Variants in RRP15 observed in about 807,000 individuals in gnomAD.
RRP15 encodes ribosomal RNA processing 15 homolog, also known as RRP15-like protein.
RRP15 carries 18 observed loss-of-function variants against 27.1 expected under a neutral mutation model. The ratio of observed to expected loss-of-function variants is 0.66; its 90% CI spans 0.46 to 0.98. RRP15 has a LOEUF of 0.98. Ranked by LOEUF, RRP15 falls within the 50% of genes least tolerant of loss-of-function variation. RRP15 has a pLI of 0.00. For synonymous variants in RRP15, 107 were observed against 109.4 expected (o/e 0.98, Z 0.14); for missense variants, 359 against 337.8 (o/e 1.06, Z -0.49).
chr1:218,301,254 C>G (rs964036319), intron 1 of RRP15: 10 of 152,134 alleles, frequency 6.6e-5, no homozygotes, highest in African/African-American at 2.4e-4. Context: ...AGCTCTTCTT[C>G]TGCTAATTAA....
intron 4 of RRP15, among the ~76,000 whole-genome samples, chr1:218,320,676 A>G (rs1445448955): frequency 6.6e-6 from 1 of 152,098 alleles, no homozygotes; most frequent in Non-Finnish European, 1.5e-5. Context: ...TTATTATAAA[A>G]TCAAGTTGTT....
rs1048186252 is a variant in RRP15 at position 218,302,554 on chromosome 1, A to C, written c.400A>C (p.Lys134Gln). ...KLKQERLEKIKQRDKRLEWEM... is the reference protein window; with the variant it reads ...KLKQERLEKIQQRDKRLEWEM... Reference sequence around the variant, plus strand: ...AAAGCAAGAAAGACTAGAGAAAATAAAACAGGTATGTTCCACCAGTTCTCT... The same window carrying C: ...AAAGCAAGAAAGACTAGAGAAAATACAACAGGTATGTTCCACCAGTTCTCT... Residue 134 changes from lysine to glutamine, a missense_variant, in exon 2 of 5, where the codon AAA becomes CAA. Transcript: ENST00000366932. 9 of 1,611,724 alleles carry C rather than the reference A, an allele frequency of 5.6e-6. No individual in the cohort carries two copies. Among genetic ancestry groups the C allele is most frequent in the Middle Eastern group, 1.7e-4 (1 of 5,974 alleles).
At chr1:218,295,922 T>C (rs1282006887) in intron 1 of RRP15, among the ~76,000 whole-genome samples, 1 of 152,202 alleles carries the variant, frequency 6.6e-6, no homozygotes, top group Non-Finnish European at 1.5e-5. Flanking sequence ...CTTTTTTTTT[T>C]TGAAGTTTTA....
chr1:218,324,014 C>G, intron 4 of RRP15, among the ~76,000 whole-genome samples: 1 of 152,164 alleles, frequency 6.6e-6, no homozygotes, highest in East Asian at 1.9e-4. Flanking sequence ...GCAGCTATTC[C>G]TGCGAGGGCG....
rs1404868640 is a variant in RRP15 at position 218,337,781 on chromosome 1, A to T, written c.*6690A>T. On this transcript the variant is annotated 3_prime_UTR_variant, in exon 5 of 5. Transcript: ENST00000366932. ...TTCTGTTCTAGAATCCAAACTCTAC[A>T]TACTGTTTAATAGAGCATTATTGAT... 3 of 152,148 alleles carry T rather than the reference A, an allele frequency of 2.0e-5. No individual in the cohort carries two copies. The highest frequency in any genetic ancestry group is 6.5e-5 in the Admixed American group (1 of 15,268). 9.4% of individuals were successfully genotyped at this position (152,148 alleles called of 1,614,324 possible).
chr1:218,304,264 A>C (rs1655858971), intron 2 of RRP15, among the ~76,000 whole-genome samples: 1 of 152,220 alleles, frequency 6.6e-6, no homozygotes, highest in Non-Finnish European at 1.5e-5. Flanking sequence ...TTCATTGATT[A>C]ATGCATTATA....
intron 4 of RRP15, among the ~76,000 whole-genome samples, chr1:218,320,625 A>G (rs1226331136): frequency 2.0e-5 from 3 of 152,200 alleles, no homozygotes; most frequent in Non-Finnish European, 4.4e-5. Context: ...GAACAAGGAC[A>G]TATGTAGTGG....
chr1:218,329,640 A>G (rs1218506639), intron 4 of RRP15, among the ~76,000 whole-genome samples: 2 of 152,186 alleles, frequency 1.3e-5, no homozygotes, highest in Non-Finnish European at 2.9e-5. Flanking sequence ...TATGTTGGGT[A>G]AATTATAGTA....
intron 4 of RRP15, among the ~76,000 whole-genome samples, chr1:218,313,213 G>T (rs537376686): frequency 6.6e-6 from 1 of 152,326 alleles, no homozygotes; most frequent in Middle Eastern, 3.4e-3. Flanking sequence ...AAAAGAAAGG[G>T]CTGAAGGATG....
chr1:218,331,701 C>A lies in RRP15; in HGVS notation c.*610C>A. On this transcript the variant is annotated 3_prime_UTR_variant, in exon 5 of 5. Coordinates refer to ENST00000366932, the MANE Select transcript of RRP15 (RefSeq NM_016052.4). ...TTTTTTTTTTTTTTTGAGACGGAGT[C>A]TTGCTCTGTGGCCCCGGATGGAATG... is the stretch of plus-strand genomic sequence containing the variant. The A allele has an allele frequency of 1.2e-5, 1 of 86,580 alleles. No individual in the cohort carries two copies. 5.4% of individuals were successfully genotyped at this position (86,580 alleles called of 1,614,324 possible). A position where few individuals can be genotyped will look rare whatever the true frequency, so the allele number is the denominator to read the frequency against.
rs1656414377 is a variant in RRP15, at chr1:218,334,104, A to G, written c.*3013A>G. Reference sequence around the variant, plus strand: ...TTAGCATTGGTTGTTATTTTTAAGCATCAGAATTTGAAAGCCAATGATAAT... The same window carrying G: ...TTAGCATTGGTTGTTATTTTTAAGCGTCAGAATTTGAAAGCCAATGATAAT... On this transcript the variant is annotated 3_prime_UTR_variant, in exon 5 of 5. Transcript: ENST00000366932. 6.6e-6 allele frequency: 1 copy of G among 152,170 alleles called. No homozygotes were observed. The highest frequency in any genetic ancestry group is 2.4e-5 in the African/African-American group (1 of 41,442). 9.4% of individuals were successfully genotyped at this position (152,170 alleles called of 1,614,324 possible).
intron 1 of RRP15, among the ~76,000 whole-genome samples, chr1:218,296,070 A>G (rs1337300736): frequency 6.6e-6 from 1 of 152,236 alleles, no homozygotes; most frequent in African/African-American, 2.4e-5. Flanking sequence ...ATGTATACTT[A>G]GGTAAAATCA....
At chr1:218,306,315 A>G (rs1312913939) in intron 3 of RRP15, among the ~76,000 whole-genome samples, 1 of 152,126 alleles carries the variant, frequency 6.6e-6, no homozygotes, top group East Asian at 1.9e-4. Context: ...GGTGTCCTAG[A>G]TGGATGCCCG....
rs201892936 is a variant in RRP15 at position 218,285,441 on chromosome 1, C to G, written c.125C>G (p.Thr42Ser). ...ASVLEDEATD[T>S]SDSEGSCGSE... ...GTGCTGGAAGACGAGGCCACAGACA[C>G]TTCTGATAGTGAAGGTAATGTGGTA... Residue 42 changes from threonine to serine, a missense_variant, in exon 1 of 5, where the codon ACT becomes AGT. Thr to Ser is a moderately conservative substitution (Grantham distance 58). Coordinates refer to ENST00000366932, the MANE Select transcript of RRP15 (RefSeq NM_016052.4). 13 of 1,614,006 alleles carry G rather than the reference C, an allele frequency of 8.1e-6. No homozygotes were observed. The highest frequency in any genetic ancestry group is 5.0e-5 in the Admixed American group (3 of 59,986).
chr1:218,324,664 T>C (rs1244896561), intron 4 of RRP15, among the ~76,000 whole-genome samples: 1 of 152,244 alleles, frequency 6.6e-6, no homozygotes, highest in African/African-American at 2.4e-5. Context: ...TCTGTTTTAG[T>C]AGGCAAAGAT....
Position 218,333,986 on chromosome 1 carries a change from T to A in RRP15, c.*2895T>A, listed in dbSNP as rs890089971. On this transcript the variant is annotated 3_prime_UTR_variant, in exon 5 of 5. Transcript: ENST00000366932. ...GGAAGTATTATTTCCTTATTTCATA[T>A]ATAGAAATAATTATCTTATTTCCTT... 3 of 152,196 alleles carry A rather than the reference T, an allele frequency of 2.0e-5. No individual in the cohort carries two copies. The highest frequency in any genetic ancestry group is 7.2e-5 in the African/African-American group (3 of 41,450). The allele number at this position is 152,196 out of a possible 1,614,324, so 9.4% of individuals were successfully genotyped here.
At chr1:218,317,539 A>C (rs1656108801) in intron 4 of RRP15, among the ~76,000 whole-genome samples, 1 of 152,228 alleles carries the variant, frequency 6.6e-6, no homozygotes, top group Non-Finnish European at 1.5e-5. Flanking sequence ...AATGTTAAAC[A>C]TAGTAAGATA....
chr1:218,294,357 T>G (rs951352265), intron 1 of RRP15, among the ~76,000 whole-genome samples: 4 of 152,142 alleles, frequency 2.6e-5, no homozygotes, highest in Non-Finnish European at 5.9e-5. Context: ...CCCAAACCCT[T>G]CAGATACCAG....
intron 3 of RRP15, among the ~76,000 whole-genome samples, 167 bp downstream of exon 3, chr1:218,305,292 G>A (rs972190522): frequency 2.6e-5 from 4 of 152,130 alleles, no homozygotes; most frequent in South Asian, 4.1e-4. Context: ...TCCAGGTCTC[G>A]TGAAGCAAGA....
Sources: gnomAD v4.1 joint callset for allele counts (sites outside exome capture counted in the v4.1 genomes callset) on GRCh38, gnomAD v4.1.1 for gene constraint, MANE v1.5 for transcripts, NCBI Gene and HGNC (gene_info 2026-07-23, HGNC 2026-07-21) for gene names.